C10orf90: variants seen among roughly 807,000 people sequenced by gnomAD.
The protein encoded by C10orf90 is chromosome 10 open reading frame 90, also known as (E2-independent) E3 ubiquitin-conjugating enzyme FATS.
C10orf90 carries 56 observed loss-of-function variants against 62.5 expected under a neutral mutation model. That is an observed-to-expected ratio of 0.90 (90% CI 0.72 to 1.12). C10orf90 has a LOEUF of 1.12. C10orf90 is among the 50% of genes most tolerant of loss of function. The pLI, the probability that C10orf90 is intolerant of heterozygous loss-of-function variation, is 0.00. For missense variants in C10orf90, 970 were observed against 880.4 expected (o/e 1.10, Z -1.29); for synonymous variants, 386 against 340.4 (o/e 1.13, Z -1.47).
At chr10:126,468,213 T>C (rs147370496) in intron 4 of C10orf90, among the ~76,000 whole-genome samples, 6 of 152,076 alleles carry the variant, frequency 3.9e-5, no homozygotes, top group Admixed American at 2.0e-4. Flanking sequence ...GGATTACAGA[T>C]GCCCACCACC....
At chr10:126,502,488 C>G (rs1285891784) in intron 4 of C10orf90, among the ~76,000 whole-genome samples, 1 of 152,318 alleles carries the variant, frequency 6.6e-6, no homozygotes, top group East Asian at 1.9e-4. Flanking sequence ...CAAAAATCTT[C>G]TCTGCACCAC....
intron 4 of C10orf90, among the ~76,000 whole-genome samples, chr10:126,486,187 A>G (rs1220199737): frequency 1.3e-5 from 2 of 152,218 alleles, no homozygotes; most frequent in Non-Finnish European, 2.9e-5. Context: ...AAATCCCTGC[A>G]TAAAGACTCA....
intron 2 of C10orf90, among the ~76,000 whole-genome samples, chr10:126,587,780 C>G (rs780119749): frequency 5.3e-5 from 8 of 151,984 alleles, no homozygotes; most frequent in Non-Finnish European, 8.8e-5. Context: ...ATTATGAAGC[C>G]AGCAAAATGA....
chr10:126,497,593 A>T (rs7899086), intron 4 of C10orf90, among the ~76,000 whole-genome samples: 79,275 of 152,054 alleles, frequency 0.52, 21,695 homozygotes, highest in African/African-American at 0.7. Flanking sequence ...CCACCTCTCT[A>T]ATTCCACAGA....
chr10:126,452,219 T>A (rs887309250), intron 7 of C10orf90, among the ~76,000 whole-genome samples: 3 of 152,086 alleles, frequency 2.0e-5, no homozygotes. Context: ...AATCTTAAAG[T>A]TGAAACAAAA....
chr10:126,586,536 C>T (rs1327336959), intron 2 of C10orf90, among the ~76,000 whole-genome samples: 1 of 152,150 alleles, frequency 6.6e-6, no homozygotes, highest in Non-Finnish European at 1.5e-5. Flanking sequence ...TAATTGCTGG[C>T]CCGGCACCTT....
chr10:126,521,762 C>T (rs916597735), intron 2 of C10orf90, among the ~76,000 whole-genome samples: 1 of 152,146 alleles, frequency 6.6e-6, no homozygotes, highest in Non-Finnish European at 1.5e-5. Flanking sequence ...AACAGTTTAC[C>T]ATGCAAGCTC....
chr10:126,430,214 G>A (rs1471693858), intron 7 of C10orf90, among the ~76,000 whole-genome samples: 1 of 152,150 alleles, frequency 6.6e-6, no homozygotes, highest in East Asian at 1.9e-4. Context: ...GGTCTGTGAG[G>A]CCTCTAAGGA....
intron 2 of C10orf90, among the ~76,000 whole-genome samples, chr10:126,594,607 G>A (rs1472056408): frequency 1.3e-5 from 2 of 152,206 alleles, no homozygotes; most frequent in Non-Finnish European, 2.9e-5. Flanking sequence ...AAGTAATTCA[G>A]GTATGAATAA....
At chr10:126,493,758 G>T (rs1861888454) in intron 4 of C10orf90, among the ~76,000 whole-genome samples, 1 of 152,238 alleles carries the variant, frequency 6.6e-6, no homozygotes, top group Non-Finnish European at 1.5e-5. Context: ...ACATTTCAGT[G>T]AATGATGCTA....
At chr10:126,427,304 C>A (rs1213830072) in intron 8 of C10orf90, among the ~76,000 whole-genome samples, 3 of 152,214 alleles carry the variant, frequency 2.0e-5, no homozygotes, top group East Asian at 1.9e-4. Flanking sequence ...TGTCTCAAAG[C>A]TCTGCAGTGG....
At chr10:126,475,831 A>G (rs1410669206) in intron 4 of C10orf90, among the ~76,000 whole-genome samples, 3 of 152,222 alleles carry the variant, frequency 2.0e-5, no homozygotes, top group African/African-American at 7.2e-5. Context: ...AGGAGTTACA[A>G]AATCAGAGGT....
intron 3 of C10orf90, among the ~76,000 whole-genome samples, chr10:126,511,715 G>A (rs1863118131): frequency 6.6e-6 from 1 of 152,202 alleles, no homozygotes; most frequent in Non-Finnish European, 1.5e-5. Flanking sequence ...TAATACAAGA[G>A]AGCTACAAAA....
chr10:126,605,321 C>A (rs1200880927), intron 2 of C10orf90, among the ~76,000 whole-genome samples: 1 of 152,232 alleles, frequency 6.6e-6, no homozygotes, highest in Non-Finnish European at 1.5e-5. Context: ...GACCCCAATG[C>A]AAGCACAGGG....
intron 2 of C10orf90, among the ~76,000 whole-genome samples, chr10:126,617,998 T>C (rs73386878): frequency 0.048 from 7,355 of 152,242 alleles, 523 homozygotes; most frequent in African/African-American, 0.16. Context: ...CCATAATGGA[T>C]GAGGCCCCTT....
At chr10:126,614,899 A>G (rs1845509705) in intron 2 of C10orf90, among the ~76,000 whole-genome samples, 1 of 152,196 alleles carries the variant, frequency 6.6e-6, no homozygotes, top group African/African-American at 2.4e-5. Context: ...ACTAGGACTT[A>G]CAGCATAACA....
rs954416433 is a variant in C10orf90 at position 126,516,150 on chromosome 10, T to A, written c.314-2211A>T. Among the ~76,000 whole-genome samples, 8 of 152,224 alleles carry A rather than the reference T, an allele frequency of 5.3e-5. No homozygotes were observed. In the South Asian group the frequency reaches 6.2e-4, roughly 12 times the overall value. ...TGCTTGGCCCCAGGCCGACCTACAG[T>A]GGATGGGCTGTGTACCCTTTCTGAG... On this transcript the variant is annotated intron_variant, in intron 2 of 9. Coordinates refer to ENST00000488181, the MANE Select transcript of C10orf90 (RefSeq NM_001350921.2).
intron 2 of C10orf90, among the ~76,000 whole-genome samples, chr10:126,529,015 T>C (rs530953933): frequency 2.0e-5 from 3 of 152,158 alleles, no homozygotes; most frequent in South Asian, 4.1e-4. Context: ...AAAAACAGGC[T>C]AGTGGAAAAG....
chr10:126,554,744 C>CT (rs1000298121), intron 2 of C10orf90, among the ~76,000 whole-genome samples: 5 of 152,138 alleles, frequency 3.3e-5, no homozygotes, highest in African/African-American at 1.2e-4. Flanking sequence ...CTGATTTTTT[C>CT]TTCTGTCTCA....
Sources: allele counts gnomAD v4.1 joint callset (sites outside exome capture counted in the v4.1 genomes callset), GRCh38; gene constraint gnomAD v4.1.1; transcripts MANE v1.5; gene names NCBI Gene and HGNC (gene_info 2026-07-23, HGNC 2026-07-21).